CDH13: variants seen among roughly 807,000 people sequenced by gnomAD.
CDH13 encodes cadherin 13, also known as cadherin-13.
CDH13 carries 24 observed loss-of-function variants against 63.8 expected under a neutral mutation model. The observed-to-expected ratio is 0.38, with a 90% CI of 0.27 to 0.53. CDH13 has a LOEUF of 0.53. Among genes scored for constraint, CDH13 ranks in the 20% least tolerant of loss-of-function variants. CDH13 has a pLI of 0.85. For missense variants in CDH13, 1,049 were observed against 903.1 expected, an observed-to-expected ratio of 1.16 and a Z score of -2.07; for synonymous variants, 503 against 355.3, an observed-to-expected ratio of 1.42 and a Z score of -4.67.
chr16:83,218,579 G>A (rs2039606793), intron 5 of CDH13, among the ~76,000 whole-genome samples: 1 of 152,200 alleles, frequency 6.6e-6, no homozygotes, highest in Non-Finnish European at 1.5e-5. Context: ...TCCAGCTCCT[G>A]TAGGAACAAC....
chr16:83,194,295 C>A (rs1597495036), intron 4 of CDH13, among the ~76,000 whole-genome samples: 1 of 152,332 alleles, frequency 6.6e-6, no homozygotes, highest in East Asian at 1.9e-4. Context: ...TTTTAGGACT[C>A]ACAATGCAAG....
chr16:83,229,891 A>G (rs144088432), intron 5 of CDH13, among the ~76,000 whole-genome samples: 3 of 152,330 alleles, frequency 2.0e-5, no homozygotes, highest in African/African-American at 7.2e-5. Context: ...GACTAGAGTA[A>G]TAGCAAACTG....
intron 6 of CDH13, among the ~76,000 whole-genome samples, chr16:83,443,976 AT>A (rs1163523037): frequency 1.3e-5 from 2 of 149,452 alleles, no homozygotes; most frequent in Non-Finnish European, 3.0e-5. Context: ...GAGTCAGGTG[AT>A]GGTGTTGATT....
intron 7 of CDH13, among the ~76,000 whole-genome samples, chr16:83,572,757 A>G (rs1443947758): frequency 6.6e-6 from 1 of 152,328 alleles, no homozygotes; most frequent in African/African-American, 2.4e-5. Flanking sequence ...GACCCAAAAT[A>G]TGCTTTGGAA....
chr16:83,377,457 C>G (rs1567627863), intron 6 of CDH13, among the ~76,000 whole-genome samples: 1 of 152,126 alleles, frequency 6.6e-6, no homozygotes, highest in African/African-American at 2.4e-5. Flanking sequence ...CCTGGGGTTT[C>G]CTCTTTGATG....
chr16:83,400,455 C>A (rs1033451832), intron 6 of CDH13, among the ~76,000 whole-genome samples: 2 of 152,052 alleles, frequency 1.3e-5, no homozygotes, highest in Non-Finnish European at 2.9e-5. Flanking sequence ...GTGAGTGGTG[C>A]CCCCTAGAGG....
chr16:82,913,659 T>C (rs750191412), intron 2 of CDH13, among the ~76,000 whole-genome samples: 8 of 152,144 alleles, frequency 5.3e-5, no homozygotes, highest in Non-Finnish European at 4.4e-5. Flanking sequence ...AGAGAGCTGC[T>C]GTGACAGAGT....
intron 4 of CDH13, among the ~76,000 whole-genome samples, chr16:83,185,706 A>T (rs1253756446): frequency 6.6e-6 from 1 of 152,228 alleles, no homozygotes; most frequent in East Asian, 1.9e-4. Flanking sequence ...GCAGGTTATC[A>T]TAACGAGAAC....
At chr16:82,939,709 C>T (rs974150029) in intron 2 of CDH13, among the ~76,000 whole-genome samples, 4 of 152,158 alleles carry the variant, frequency 2.6e-5, no homozygotes, top group African/African-American at 4.8e-5. Flanking sequence ...TTCTCCTCAC[C>T]GGTTCCCACT....
chr16:83,734,326 G>A (rs530286469), intron 10 of CDH13, among the ~76,000 whole-genome samples: 1 of 152,276 alleles, frequency 6.6e-6, no homozygotes, highest in Admixed American at 6.5e-5. Flanking sequence ...AGGGAAGAAG[G>A]CTTTAATCGG....
chr16:83,256,035 G>C (rs1906219801), intron 5 of CDH13, among the ~76,000 whole-genome samples: 1 of 152,146 alleles, frequency 6.6e-6, no homozygotes, highest in Non-Finnish European at 1.5e-5. Flanking sequence ...CTCAATAAAA[G>C]TGATTATTTT....
At chr16:83,260,617 T>C (rs1165375751) in intron 5 of CDH13, among the ~76,000 whole-genome samples, 2 of 152,142 alleles carry the variant, frequency 1.3e-5, no homozygotes, top group African/African-American at 4.8e-5. Context: ...ATGCTGATAC[T>C]GCTGCTCCCC....
chr16:83,188,311 G>C (rs74031452), intron 4 of CDH13, among the ~76,000 whole-genome samples: 6,371 of 152,270 alleles, frequency 0.042, 410 homozygotes, highest in African/African-American at 0.14. Flanking sequence ...GAGCAATGGT[G>C]GTGGAAGGGG....
intron 3 of CDH13, among the ~76,000 whole-genome samples, chr16:83,088,201 T>A (rs777511817): frequency 6.6e-6 from 1 of 152,322 alleles, no homozygotes; most frequent in South Asian, 2.1e-4. Context: ...TTAGTTTGTG[T>A]TGACACATTG....
At chr16:83,286,444 G>A (rs1330159991) in intron 5 of CDH13, among the ~76,000 whole-genome samples, 1 of 152,022 alleles carries the variant, frequency 6.6e-6, no homozygotes, top group Admixed American at 6.6e-5. Flanking sequence ...TACAAATTTG[G>A]GTGATAGAAG....
At chr16:83,425,487 G>A (rs572303460) in intron 6 of CDH13, among the ~76,000 whole-genome samples, 1 of 152,354 alleles carries the variant, frequency 6.6e-6, no homozygotes, top group African/African-American at 2.4e-5. Context: ...GAGGCTCACA[G>A]AGAAGATGAT....
chr16:83,236,288 A>G (rs1344881545), intron 5 of CDH13, among the ~76,000 whole-genome samples: 1 of 149,140 alleles, frequency 6.7e-6, no homozygotes, highest in Middle Eastern at 3.2e-3. Context: ...TCTTGGGAGC[A>G]TTTAAGATAC....
chr16:83,095,116 A>G (rs144988052), intron 3 of CDH13, among the ~76,000 whole-genome samples: 2 of 152,242 alleles, frequency 1.3e-5, no homozygotes, highest in African/African-American at 4.8e-5. Flanking sequence ...ACAGAAATAA[A>G]ATAACCCTGA....
rs149385104 is a variant in CDH13 at position 83,188,790 on chromosome 16, A to G, written c.484-28555A>G. On this transcript the variant is annotated intron_variant, in intron 4 of 13. Transcript: ENST00000567109. ...GTTAGGATTAATGACCAACCATAAA[A>G]TTTTATAAGCAATTATTACGGTTTA... 1.3e-3 allele frequency among the ~76,000 whole-genome samples: 193 copies of G among 152,294 alleles called. 2 individuals are homozygous for G. The highest frequency in any genetic ancestry group is 4.5e-3 in the African/African-American group (187 of 41,552).
Sources: allele counts gnomAD v4.1 joint callset (sites outside exome capture counted in the v4.1 genomes callset), GRCh38; gene constraint gnomAD v4.1.1; transcripts MANE v1.5; gene names NCBI Gene and HGNC (gene_info 2026-07-23, HGNC 2026-07-21).